SMARCA4: variants seen among roughly 807,000 people sequenced by gnomAD.
SMARCA4 encodes SWI/SNF related BAF chromatin remodeling complex subunit ATPase 4, also known as SWI/SNF-related matrix-associated actin-dependent regulator of chromatin subfamily A member 4.
A neutral mutation model predicts 193.9 loss-of-function variants in SMARCA4; 31 were observed. That is an observed-to-expected ratio of 0.16 (90% CI 0.12 to 0.22). SMARCA4 has a LOEUF of 0.22. Among genes scored for constraint, SMARCA4 ranks in the 10% least tolerant of loss-of-function variants. The pLI is 1.00. For missense variants in SMARCA4, 1,148 were observed against 2,296.0 expected (o/e 0.50, Z 10.22); for synonymous variants, 942 against 933.1 (o/e 1.01, Z -0.17).
In SMARCA4 at chr19:10,979,533, T is replaced by A. The variant is rs566863130; in HGVS notation, c.-31-4588T>A. On this transcript the variant is annotated intron_variant, in intron 1 of 34. Transcript: ENST00000344626. ...TCAGCCTCCTGAGTATAAGCTAATT[T>A]AAAAAAAAAAACTTGTAGAGACAGG... 1.5e-3 allele frequency among the ~76,000 whole-genome samples: 222 copies of A among 144,388 alleles called. 1 individual carries two copies. Among genetic ancestry groups the A allele is most frequent in the African/African-American group, 5.2e-3 (206 of 39,620 alleles). 94.7% of individuals were successfully genotyped at this position (144,388 alleles called of 152,430 possible). A position where few individuals can be genotyped will look rare whatever the true frequency, so the allele number is the denominator to read the frequency against.
intron 1 of SMARCA4, among the ~76,000 whole-genome samples, chr19:10,967,405 G>A (rs530760043): frequency 7.2e-5 from 11 of 152,224 alleles, no homozygotes; most frequent in African/African-American, 2.6e-4. Flanking sequence ...CCCCCTTCCG[G>A]GTTCACGCCA....
Position 11,041,708 on chromosome 19 carries a change from C to T in SMARCA4, c.4424+148C>T. Reference sequence around the variant, plus strand: ...CTGACTGAATCTCTGTGTCTTTGAGCCTGGCCCTGAGGAACATGCTTTCTG... The same window carrying T: ...CTGACTGAATCTCTGTGTCTTTGAGTCTGGCCCTGAGGAACATGCTTTCTG... On this transcript the variant is annotated intron_variant, in intron 30 of 34. Coordinates refer to ENST00000344626, the MANE Select transcript of SMARCA4 (RefSeq NM_003072.5). This position sits in a 1 kb window ranked among gnomAD's most constrained non-coding sequence, Gnocchi z 5.6. The T allele has an allele frequency of 2.8e-6, 2 of 713,076 alleles. No individual in the cohort carries two copies. The highest frequency in any genetic ancestry group is 1.8e-5 in the South Asian group (1 of 54,480). The allele number at this position is 713,076 out of a possible 1,614,324, so 44.2% of individuals were successfully genotyped here. A position where few individuals can be genotyped will look rare whatever the true frequency, so the allele number is the denominator to read the frequency against.
At chr19:11,053,779 C>T (rs2076392485) in intron 30 of SMARCA4, among the ~76,000 whole-genome samples, 1 of 152,100 alleles carries the variant, frequency 6.6e-6, no homozygotes, top group Admixed American at 6.6e-5. Context: ...GGTGTTGTGG[C>T]GTGTGCCTGT....
chr19:11,012,877 C>A (rs2146273115), intron 15 of SMARCA4, 72 bp from the exon 16 acceptor site: 2 of 1,460,322 alleles, frequency 1.4e-6, no homozygotes, highest in Non-Finnish European at 1.9e-6. Flanking sequence ...TGTCTTGACT[C>A]TCTGAAGTGG....
In SMARCA4 at chr19:11,058,442, TGGTGTGTGG is replaced by T; in HGVS notation, c.4533+81_4533+89del. ...CAGGGGCACCCCCATCTGAGAGCTGTGGTGTGTGGGCAGAATGACCAGAAACCACCTAGG... is the reference window on the plus strand; with the variant it reads ...CAGGGGCACCCCCATCTGAGAGCTGTGCAGAATGACCAGAAACCACCTAGG... On this transcript the variant is annotated intron_variant, in intron 31 of 34. Coordinates refer to ENST00000344626, the MANE Select transcript of SMARCA4 (RefSeq NM_003072.5). This position sits in a 1 kb window ranked among gnomAD's most constrained non-coding sequence, Gnocchi z 5.8. 9.8e-7 allele frequency: 1 copy of T among 1,019,986 alleles called. No homozygotes were observed. Among genetic ancestry groups the T allele is most frequent in the South Asian group, 1.3e-5 (1 of 76,716 alleles). The allele number at this position is 1,019,986 out of a possible 1,614,324, so 63.2% of individuals were successfully genotyped here.
At chr19:11,021,564 G>A (rs761989245) in intron 18 of SMARCA4, 161 bp from the exon 19 acceptor site, 1 of 874,986 alleles carries the variant, frequency 1.1e-6, no homozygotes, top group South Asian at 1.4e-5. Flanking sequence ...CTCCAACTCG[G>A]TGAGTCAGCC....
At position 11,045,849 on chromosome 19, in the gene SMARCA4, C is replaced by T. The variant is rs907120223; in HGVS notation, c.4424+4289C>T. On this transcript the variant is annotated intron_variant, in intron 30 of 34. Coordinates refer to ENST00000344626, the MANE Select transcript of SMARCA4 (RefSeq NM_003072.5). ...CCATAATCCCAGCACTTTGGGAGGCCGAGGCGGAGGATCACTTGAGCCCAG... is the reference window on the plus strand; with the variant it reads ...CCATAATCCCAGCACTTTGGGAGGCTGAGGCGGAGGATCACTTGAGCCCAG... Among the ~76,000 whole-genome samples the T allele has an allele frequency of 1.3e-4, 20 of 151,070 alleles. 1 individual carries two copies. In the Middle Eastern group the frequency reaches 0.017, roughly 130 times the overall value.
intron 18 of SMARCA4, among the ~76,000 whole-genome samples, chr19:11,020,273 C>A (rs1454139900): frequency 1.3e-5 from 2 of 152,152 alleles, no homozygotes; most frequent in Non-Finnish European, 2.9e-5. Context: ...ACTGAGAATA[C>A]GGCCCAGATA....
intron 11 of SMARCA4, among the ~76,000 whole-genome samples, chr19:11,001,269 G>A (rs2087608309): frequency 6.6e-6 from 1 of 152,034 alleles, no homozygotes; most frequent in African/African-American, 2.4e-5. Flanking sequence ...AGGAGTTCAA[G>A]ACCAACCTGG....
chr19:11,014,447 G>C (rs537326312), intron 16 of SMARCA4, among the ~76,000 whole-genome samples: 1 of 152,212 alleles, frequency 6.6e-6, no homozygotes, highest in Non-Finnish European at 1.5e-5. Context: ...GGAGCAGGGC[G>C]TCCTTGTGCA....
chr19:10,993,234 C>T (rs2086713666), intron 8 of SMARCA4, among the ~76,000 whole-genome samples: 1 of 152,140 alleles, frequency 6.6e-6, no homozygotes, highest in Non-Finnish European at 1.5e-5. Flanking sequence ...GATCCGCCTG[C>T]CTTGGCCTTC....
At chr19:11,059,661 A>G in intron 32 of SMARCA4, 92 bp from the exon 33 acceptor site, 1 of 1,430,198 alleles carries the variant, frequency 7.0e-7, no homozygotes, top group Non-Finnish European at 9.6e-7. Context: ...GTCCAGGGGC[A>G]ACACAGGGCT....
intron 1 of SMARCA4, chr19:10,961,455 G>C (rs1414753679): frequency 6.6e-6 from 1 of 151,804 alleles, no homozygotes; most frequent in Non-Finnish European, 1.5e-5. Context: ...CGCTCTCGCC[G>C]GGGTCGCCGG....
chr19:10,966,959 A>G (rs570426198), intron 1 of SMARCA4, among the ~76,000 whole-genome samples: 1 of 151,942 alleles, frequency 6.6e-6, no homozygotes, highest in Admixed American at 6.6e-5. Context: ...AAGGTATGAG[A>G]GGGAACAGGT....
At chr19:10,996,571 G>GT (rs774185814) in intron 11 of SMARCA4, 27 bp downstream of exon 11, 1 of 1,608,766 alleles carries the variant, frequency 6.2e-7, no homozygotes, top group Non-Finnish European at 8.5e-7. Flanking sequence ...TCTTGTGGAA[G>GT]TATCAAGCTA....
rs561880413 is a variant in SMARCA4, at chr19:11,002,434, G to A, written c.1813-595G>A. Reference sequence around the variant, plus strand: ...GTGGAGCTTGCAGTGAGCCGATACCGCACCACTGCACTCCAGCCTGGGCAA... The same window carrying A: ...GTGGAGCTTGCAGTGAGCCGATACCACACCACTGCACTCCAGCCTGGGCAA... On this transcript the variant is annotated intron_variant, in intron 11 of 34. Coordinates refer to ENST00000344626, the MANE Select transcript of SMARCA4 (RefSeq NM_003072.5). Among the ~76,000 whole-genome samples the A allele has an allele frequency of 1.7e-4, 26 of 152,014 alleles. No homozygotes were observed. The South Asian group carries it at 2.1e-3, about 12-fold the overall frequency.
chr19:10,994,344 G>A (rs1288711258), intron 8 of SMARCA4, among the ~76,000 whole-genome samples: 2 of 111,066 alleles, frequency 1.8e-5, no homozygotes, highest in African/African-American at 7.3e-5. Context: ...TTTTTTTTGA[G>A]ACAGCGTCTC....
rs2074818147 is a variant in SMARCA4, at chr19:11,030,102, C to T, written c.3383-628C>T. ...CAACGCTGAGGGCATCGTGGGTTGT[C>T]ACCCAGGAGACCTGCTCTGGCTCCT... On this transcript the variant is annotated intron_variant, in intron 24 of 34. Transcript: ENST00000344626. This position sits in a 1 kb window ranked among gnomAD's most constrained non-coding sequence, Gnocchi z 5.5. 6.6e-6 allele frequency among the ~76,000 whole-genome samples: 1 copy of T among 152,226 alleles called. No individual in the cohort carries two copies. The highest frequency in any genetic ancestry group is 2.4e-5 in the African/African-American group (1 of 41,456).
intron 24 of SMARCA4, 60 bp downstream of exon 24, chr19:11,028,010 G>A (rs1401313963): frequency 6.4e-7 from 1 of 1,561,144 alleles, no homozygotes; most frequent in Non-Finnish European, 8.8e-7. Context: ...TGCCACAGAA[G>A]CTCCTCACTG....
Sources: allele counts gnomAD v4.1 joint callset (sites outside exome capture counted in the v4.1 genomes callset), GRCh38; gene constraint gnomAD v4.1.1; non-coding constraint Gnocchi (gnomAD v3.1); transcripts MANE v1.5; gene names NCBI Gene and HGNC (gene_info 2026-07-23, HGNC 2026-07-21).